ARAP2: variants seen among roughly 807,000 people sequenced by gnomAD.
The protein encoded by ARAP2 is ArfGAP with RhoGAP domain, ankyrin repeat and PH domain 2.
In ARAP2, 148 loss-of-function variants were observed where a neutral mutation model predicts 194.5. That is an observed-to-expected ratio of 0.76 (90% CI 0.67 to 0.87). The LOEUF (loss-of-function observed/expected upper bound fraction) is 0.87. Ranked by LOEUF, ARAP2 falls within the 40% of genes least tolerant of loss-of-function variation. ARAP2 has a pLI of 0.00. For synonymous variants in ARAP2, 695 were observed against 683.5 expected (o/e 1.02, Z -0.26); for missense variants, 2,128 against 1,989.7 (o/e 1.07, Z -1.32).
intron 28 of ARAP2, among the ~76,000 whole-genome samples, chr4:36,088,368 T>C (rs1201960782): frequency 1.3e-5 from 2 of 152,126 alleles, no homozygotes; most frequent in East Asian, 1.9e-4. Context: ...AAGTCTAGCC[T>C]GTATTTTCAC....
intron 9 of ARAP2, among the ~76,000 whole-genome samples, chr4:36,007,256 T>C (rs1407848766): frequency 6.6e-6 from 1 of 152,176 alleles, no homozygotes; most frequent in African/African-American, 2.4e-5. Context: ...GGGAAGAGTC[T>C]TTGTAGATGC....
chr4:36,178,801 A>T (rs1738559142), intron 8 of ARAP2, among the ~76,000 whole-genome samples: 1 of 152,202 alleles, frequency 6.6e-6, no homozygotes, highest in Admixed American at 6.5e-5. Context: ...GCAAGTTAGT[A>T]TTAAAGTGAG....
intron 3 of ARAP2, 137 bp downstream of exon 3, chr4:36,214,285 T>C: frequency 2.0e-6 from 1 of 509,122 alleles, no homozygotes; most frequent in Non-Finnish European, 3.4e-6. Context: ...GTGTCTGAAG[T>C]ACTATGAACA....
rs1727224864 is a variant in ARAP2 at position 36,072,503 on chromosome 4, CA to C, written c.4743+1185del. Among the ~76,000 whole-genome samples, 3 of 151,944 alleles carry C rather than the reference CA, an allele frequency of 2.0e-5. No homozygotes were observed. The South Asian group carries it at 6.2e-4, about 31-fold the overall frequency. On this transcript the variant is annotated intron_variant, in intron 32 of 32. Coordinates refer to ENST00000303965, the MANE Select transcript of ARAP2 (RefSeq NM_015230.4). ...CCGATAATTGATCTGAAGGCAATGTCAAAAGGTTCTACAGTCACTGTAGGGC... is the reference window on the plus strand; with the variant it reads ...CCGATAATTGATCTGAAGGCAATGTCAAAGGTTCTACAGTCACTGTAGGGC...
chr4:36,016,196 A>G (rs925836253), intron 6 of ARAP2, among the ~76,000 whole-genome samples: 8 of 152,192 alleles, frequency 5.3e-5, no homozygotes, highest in African/African-American at 1.9e-4. Flanking sequence ...AAGTTACAAA[A>G]GAATATGTAT....
At position 36,117,131 on chromosome 4, in the gene ARAP2, G is replaced by T. The variant is rs759184322; in HGVS notation, c.3968C>A (p.Ser1323Tyr). Residue 1323 changes from serine to tyrosine, a missense_variant, in exon 25 of 33, where the codon TCC (serine) becomes TAC (tyrosine). By Grantham distance (144) the Ser-to-Tyr change is moderately radical. Transcript: ENST00000303965. Reference sequence around the variant, plus strand: ...TTCAATTAACAAATCTCCAGCCTGGGAAACCTAGAAAAGGGCAGAGGTAGA... The same window carrying T: ...TTCAATTAACAAATCTCCAGCCTGGTAAACCTAGAAAAGGGCAGAGGTAGA... The part of the protein sequence containing the change: ...FITKWKDTQV[S>Y]QAGDLLIEVY... 4 of 1,593,740 alleles carry T rather than the reference G, an allele frequency of 2.5e-6. No individual in the cohort carries two copies. In the African/African-American group the frequency reaches 5.5e-5, roughly 22 times the overall value.
chr4:36,029,369 T>A (rs1304837131), intron 5 of ARAP2, among the ~76,000 whole-genome samples: 3 of 152,068 alleles, frequency 2.0e-5, no homozygotes, highest in Non-Finnish European at 4.4e-5. Context: ...CTGTAAATTG[T>A]AATACTTTTT....
intron 2 of ARAP2, among the ~76,000 whole-genome samples, chr4:36,227,230 C>T (rs1462939171): frequency 6.6e-6 from 1 of 152,136 alleles, no homozygotes; most frequent in African/African-American, 2.4e-5. Flanking sequence ...ACATTACCTA[C>T]TCCATGTTCA....
chr4:36,239,059 T>A (rs1457217280), intron 1 of ARAP2, among the ~76,000 whole-genome samples: 1 of 152,120 alleles, frequency 6.6e-6, no homozygotes, highest in African/African-American at 2.4e-5. Flanking sequence ...GTGGATCACC[T>A]GAGGTCAGGA....
chr4:36,117,236 AT>A, intron 24 of ARAP2, 101 bp from the exon 25 acceptor site: 1 of 785,498 alleles, frequency 1.3e-6, no homozygotes, highest in Non-Finnish European at 1.9e-6. Flanking sequence ...ATTTCTGAAT[AT>A]TTTATAACAA....
intron 1 of ARAP2, among the ~76,000 whole-genome samples, chr4:36,236,554 A>G (rs931204963): frequency 1.3e-5 from 2 of 152,238 alleles, no homozygotes; most frequent in Non-Finnish European, 2.9e-5. Context: ...TGGGCTTAAT[A>G]GCAGTCAGAG....
At chr4:36,090,368 A>G (rs2109381173) in intron 28 of ARAP2, among the ~76,000 whole-genome samples, 1 of 152,228 alleles carries the variant, frequency 6.6e-6, no homozygotes, top group South Asian at 2.1e-4. Flanking sequence ...AACTATTCCA[A>G]AAAATTGAGG....
At chr4:36,162,179 G>T (rs754736311) in intron 11 of ARAP2, among the ~76,000 whole-genome samples, 1 of 151,052 alleles carries the variant, frequency 6.6e-6, no homozygotes, top group Admixed American at 6.6e-5. Flanking sequence ...CATATGTACA[G>T]ACACATGTAT....
chr4:36,244,389 CGCGGCCGCCGCACCTGGAGGCGGGGA>C lies in ARAP2; in HGVS notation c.-396_-371del, dbSNP rs1754246320. ...GGCGCTGTTAGTGGGGCCGGCGTGT[CGCGGCCGCCGCACCTGGAGGCGGGGA>C]GCGCGGGCCGCGGACCCGCGCTCAG... On this transcript the variant is annotated 5_prime_UTR_variant, in exon 1 of 33. Transcript: ENST00000303965. 1 of 150,358 alleles carries C rather than the reference CGCGGCCGCCGCACCTGGAGGCGGGGA, an allele frequency of 6.7e-6. No homozygotes were observed. The allele number at this position is 150,358 out of a possible 1,614,324, so 9.3% of individuals were successfully genotyped here.
chr4:36,056,416 T>C (rs900518892), intron 2 of ARAP2, among the ~76,000 whole-genome samples: 4 of 152,346 alleles, frequency 2.6e-5, no homozygotes, highest in African/African-American at 9.6e-5. Flanking sequence ...GCAATGTCTC[T>C]ACCTGAAGTA....
chr4:36,170,930 G>C (rs1329808007), intron 9 of ARAP2, among the ~76,000 whole-genome samples: 1 of 151,846 alleles, frequency 6.6e-6, no homozygotes, highest in African/African-American at 2.4e-5. Context: ...GAAAAATGCA[G>C]TAGGTGGAAA....
At chr4:36,193,535 A>C in intron 7 of ARAP2, 43 bp downstream of exon 7, 1 of 1,330,734 alleles carries the variant, frequency 7.5e-7, no homozygotes, top group Non-Finnish European at 1.0e-6. Flanking sequence ...TACTCTTCGT[A>C]TGCATAAAAA....
In ARAP2 at chr4:36,074,030, C is replaced by T. The variant is rs1477893148; in HGVS notation, c.4609-207G>A. On this transcript the variant is annotated intron_variant, in intron 31 of 32. Coordinates refer to ENST00000303965, the MANE Select transcript of ARAP2 (RefSeq NM_015230.4). The stretch of plus-strand genomic sequence containing the variant: ...ACTGAACTGAGCTTTGAGGTCTCAG[C>T]TCAATTTCTAAGTTTCAAATACATG... Among the ~76,000 whole-genome samples the T allele has an allele frequency of 2.6e-5, 4 of 152,244 alleles. No homozygotes were observed. The East Asian group carries it at 7.7e-4, about 29-fold the overall frequency.
At chr4:36,192,584 G>A (rs566668437) in intron 7 of ARAP2, among the ~76,000 whole-genome samples, 5 of 152,196 alleles carry the variant, frequency 3.3e-5, no homozygotes, top group Non-Finnish European at 7.3e-5. Context: ...AGGTGCTGGA[G>A]AAAACCAGCA....
Sources: allele counts gnomAD v4.1 joint callset (sites outside exome capture counted in the v4.1 genomes callset), GRCh38; gene constraint gnomAD v4.1.1; transcripts MANE v1.5; gene names NCBI Gene and HGNC (gene_info 2026-07-23, HGNC 2026-07-21).